COLGALT1: variants seen among roughly 807,000 people sequenced by gnomAD.
COLGALT1 encodes the protein collagen beta(1-O)galactosyltransferase 1, also known as procollagen galactosyltransferase 1.
A neutral mutation model predicts 60.8 loss-of-function variants in COLGALT1; 43 were observed. The ratio of observed to expected loss-of-function variants is 0.71; its 90% CI spans 0.55 to 0.91. The LOEUF is 0.91. Among genes scored for constraint, COLGALT1 ranks in the 40% least tolerant of loss-of-function variants. The probability of loss-of-function intolerance (pLI) is 0.00; values close to 1 mark genes in which losing one functional copy is unlikely to be tolerated. For synonymous variants in COLGALT1, 369 were observed against 374.2 expected (o/e 0.99, Z 0.16); for missense variants, 845 against 880.0 (o/e 0.96, Z 0.50).
At chr19:17,576,799 T>TG (rs1428948504) in intron 6 of COLGALT1, among the ~76,000 whole-genome samples, 1 of 68,780 alleles carries the variant, frequency 1.5e-5, no homozygotes, top group Non-Finnish European at 3.0e-5. Flanking sequence ...GTGGTGCGGC[T>TG]GGGGGGCAGG....
intron 1 of COLGALT1, chr19:17,556,600 C>T (rs1599773428): frequency 1.1e-6 from 1 of 936,750 alleles, no homozygotes; most frequent in Non-Finnish European, 1.3e-6. Context: ...CTTCTCACTC[C>T]CTGCCTCAGT....
intron 10 of COLGALT1, chr19:17,580,440 G>GT: frequency 1.8e-6 from 1 of 543,144 alleles, no homozygotes; most frequent in South Asian, 2.1e-5. Flanking sequence ...CAGCCTCAGA[G>GT]AACGTCTGCG....
chr19:17,560,392 G>T lies in COLGALT1; in HGVS notation c.416G>T (p.Arg139Leu). 6.2e-7 allele frequency: 1 copy of T among 1,614,106 alleles called. No homozygotes were observed. The highest frequency in any genetic ancestry group is 1.7e-4 in the Middle Eastern group (1 of 6,054). ...EEGPKHWSDS[R>L]YEHVMKLRQA... ...GGCCCGAAACACTGGTCTGACTCACGCTACGAGCATGTCATGAAGTTGCGC... is the reference window on the plus strand; with the variant it reads ...GGCCCGAAACACTGGTCTGACTCACTCTACGAGCATGTCATGAAGTTGCGC... Residue 139 changes from arginine (R) to leucine (L), a missense_variant, in exon 3 of 12, where the codon CGC becomes CTC. Coordinates refer to ENST00000252599, the MANE Select transcript of COLGALT1 (RefSeq NM_024656.4).
chr19:17,563,290 A>G (rs1398182575), intron 3 of COLGALT1, among the ~76,000 whole-genome samples: 1 of 147,770 alleles, frequency 6.8e-6, no homozygotes, highest in African/African-American at 2.5e-5. Context: ...TCCTGGGGTC[A>G]AGTGACTCTC....
At chr19:17,568,400 C>G in intron 4 of COLGALT1, 109 bp from the exon 5 acceptor site, 1 of 960,986 alleles carries the variant, frequency 1.0e-6, no homozygotes, top group Admixed American at 1.8e-5. Flanking sequence ...CAGGCGCACA[C>G]TGCTGTGCCT....
chr19:17,574,177 C>T (rs1442201901), intron 6 of COLGALT1, among the ~76,000 whole-genome samples: 1 of 152,150 alleles, frequency 6.6e-6, no homozygotes, highest in Admixed American at 6.5e-5. Flanking sequence ...ACTGCCATTC[C>T]CACCACTGCG....
chr19:17,575,930 G>T (rs973691548), intron 6 of COLGALT1, among the ~76,000 whole-genome samples: 5 of 152,142 alleles, frequency 3.3e-5, no homozygotes, highest in Admixed American at 2.0e-4. Flanking sequence ...GGGTACTGGT[G>T]GTTGGCACTG....
intron 4 of COLGALT1, 61 bp downstream of exon 4, chr19:17,567,601 G>C (rs1049379769): frequency 2.6e-6 from 4 of 1,559,978 alleles, no homozygotes; most frequent in Non-Finnish European, 2.6e-6. Context: ...CGTGGCTAGA[G>C]TGTAACTTAC....
chr19:17,568,266 C>G (rs2076290878), intron 4 of COLGALT1, among the ~76,000 whole-genome samples: 1 of 152,124 alleles, frequency 6.6e-6, no homozygotes, highest in African/African-American at 2.4e-5. Context: ...TGGGCCATTG[C>G]TAGTCTCCTC....
At position 17,575,370 on chromosome 19, in the gene COLGALT1, C is replaced by T. The variant is rs1009774451; in HGVS notation, c.950-1825C>T. Reference sequence around the variant, plus strand: ...ACGCCATTCTCCTGCCTCAGCCTCCCGAGTAGCTGGGACTACAGGCGCCTG... The same window carrying T: ...ACGCCATTCTCCTGCCTCAGCCTCCTGAGTAGCTGGGACTACAGGCGCCTG... On this transcript the variant is annotated intron_variant, in intron 6 of 11. Coordinates refer to ENST00000252599, the MANE Select transcript of COLGALT1 (RefSeq NM_024656.4). 4.6e-5 allele frequency among the ~76,000 whole-genome samples: 7 copies of T among 152,178 alleles called. 1 individual carries two copies. Among genetic ancestry groups the T allele is most frequent in the Non-Finnish European group, 7.4e-5 (5 of 68,014 alleles).
At chr19:17,573,360 T>C (rs2076323660) in intron 6 of COLGALT1, among the ~76,000 whole-genome samples, 2 of 152,028 alleles carry the variant, frequency 1.3e-5, no homozygotes, top group African/African-American at 4.8e-5. Flanking sequence ...ACCCTGTCTC[T>C]ACTAAAAATA....
chr19:17,564,064 C>CT (rs2076265430), intron 3 of COLGALT1, among the ~76,000 whole-genome samples: 2 of 120,962 alleles, frequency 1.7e-5, no homozygotes, highest in Non-Finnish European at 3.8e-5. Context: ...AGTGAGACCC[C>CT]CCCCATCTCT....
intron 2 of COLGALT1, 143 bp downstream of exon 2, chr19:17,559,564 C>T (rs1240469626): frequency 4.6e-6 from 3 of 653,576 alleles, no homozygotes; most frequent in Non-Finnish European, 8.2e-6. Context: ...CTACTCTGAG[C>T]CTCCCTCAGC....
Position 17,555,731 on chromosome 19 carries a change from C to G in COLGALT1, c.18C>G (p.Arg6=). The G allele has an allele frequency of 8.3e-7, 1 of 1,199,636 alleles. No individual in the cohort carries two copies. The highest frequency in any genetic ancestry group is 1.0e-6 in the Non-Finnish European group (1 of 968,106). 74.3% of individuals were successfully genotyped at this position (1,199,636 alleles called of 1,614,324 possible). A position where few individuals can be genotyped will look rare whatever the true frequency, so the allele number is the denominator to read the frequency against. The change falls in exon 1 of 12, where the codon CGC becomes CGG. Residue 6 remains arginine, a synonymous_variant. Coordinates refer to ENST00000252599, the MANE Select transcript of COLGALT1 (RefSeq NM_024656.4). ...GTGGCGCGATGGCGGCGGCCCCACG[C>G]GCGGGCCGGCGGCGCGGGCAGCCGC... MAAAP[R]AGRRRGQPLL... is the part of the protein sequence containing the mutation.
At chr19:17,576,971 G>GC in intron 6 of COLGALT1, 1 of 593,356 alleles carries the variant, frequency 1.7e-6, no homozygotes, top group Non-Finnish European at 3.0e-6. Flanking sequence ...CTGGGGGCGG[G>GC]GTGAAGCTGG....
rs776838540 is a variant in COLGALT1 at position 17,560,331 on chromosome 19, C to T, written c.372-17C>T. 1 of 1,606,836 alleles carries T rather than the reference C, an allele frequency of 6.2e-7. No homozygotes were observed. The highest frequency in any genetic ancestry group is 8.5e-7 in the Non-Finnish European group (1 of 1,174,184). ...ATAGTGCCTTGTGATGTCCACATCA[C>T]AGCTGCCTCCCCATAGGTCCTACCC... is the stretch of plus-strand genomic sequence containing the variant. On this transcript the variant is annotated splice_polypyrimidine_tract_variant and intron_variant, in intron 2 of 11. Coordinates refer to ENST00000252599, the MANE Select transcript of COLGALT1 (RefSeq NM_024656.4).
intron 9 of COLGALT1, among the ~76,000 whole-genome samples, 177 bp from the exon 10 acceptor site, chr19:17,579,305 A>C: frequency 6.6e-6 from 1 of 152,136 alleles, no homozygotes; most frequent in East Asian, 1.9e-4. Context: ...TCTGAGATCC[A>C]TTATGGACGG....
chr19:17,563,454 A>T (rs1287281036), intron 3 of COLGALT1, among the ~76,000 whole-genome samples: 1 of 150,758 alleles, frequency 6.6e-6, no homozygotes, highest in Non-Finnish European at 1.5e-5. Context: ...GGTTCATGCC[A>T]TTTTCCTGCC....
At chr19:17,565,792 C>T (rs2144824970) in intron 3 of COLGALT1, among the ~76,000 whole-genome samples, 1 of 152,254 alleles carries the variant, frequency 6.6e-6, no homozygotes, top group East Asian at 1.9e-4. Flanking sequence ...GAGGAACTGC[C>T]ACAGTGATCT....
Sources: allele counts gnomAD v4.1 joint callset (sites outside exome capture counted in the v4.1 genomes callset), GRCh38; gene constraint gnomAD v4.1.1; transcripts MANE v1.5; gene names NCBI Gene and HGNC (gene_info 2026-07-23, HGNC 2026-07-21).